Variants in TRAPPC8 observed in about 807,000 individuals in gnomAD.
The protein encoded by TRAPPC8 is general sporulation gene 1 homolog.
In TRAPPC8, 54 loss-of-function variants were observed where a neutral mutation model predicts 174.3. The observed-to-expected ratio is 0.31, with a 90% CI of 0.25 to 0.39. The LOEUF is 0.39. Among genes scored for constraint, TRAPPC8 ranks in the 10% least tolerant of loss-of-function variants. TRAPPC8 has a pLI of 1.00. For synonymous variants in TRAPPC8, 630 were observed against 579.9 expected (o/e 1.09, Z -1.24); for missense variants, 1,531 against 1,699.1 (o/e 0.90, Z 1.74).
intron 27 of TRAPPC8, 188 bp from the exon 28 acceptor site, chr18:31,832,361 T>C: frequency 2.1e-5 from 5 of 237,474 alleles, no homozygotes; most frequent in South Asian, 1.7e-4. Flanking sequence ...AATATATTAA[T>C]ACAATGACAA....
chr18:31,898,042 T>C, intron 10 of TRAPPC8, 151 bp from the exon 11 acceptor site: 6 of 537,552 alleles, frequency 1.1e-5, no homozygotes, highest in South Asian at 4.7e-5. Context: ...AATCCAAGGT[T>C]TGTCAAGTTC....
intron 9 of TRAPPC8, among the ~76,000 whole-genome samples, chr18:31,903,774 C>T (rs560117545): frequency 2.4e-4 from 36 of 152,094 alleles, no homozygotes; most frequent in African/African-American, 8.2e-4. Flanking sequence ...ACCTGTAATC[C>T]CAGCACTTTG....
Position 31,834,401 on chromosome 18 carries a change from G to C in TRAPPC8, c.3984-2228C>G, listed in dbSNP as rs532110559. Reference sequence around the variant, plus strand: ...CTGGGATTACAGGTGTGTGCCACCAGGTCCAGTCTTGGGACCACATTTTGA... The same window carrying C: ...CTGGGATTACAGGTGTGTGCCACCACGTCCAGTCTTGGGACCACATTTTGA... On this transcript the variant is annotated intron_variant, in intron 27 of 28. Coordinates refer to ENST00000283351, the MANE Select transcript of TRAPPC8 (RefSeq NM_014939.5). Among the ~76,000 whole-genome samples the C allele has an allele frequency of 2.0e-5, 3 of 152,152 alleles. No individual in the cohort carries two copies. In the East Asian group the frequency reaches 5.8e-4, roughly 29 times the overall value.
At chr18:31,890,924 A>G in intron 11 of TRAPPC8, 58 bp from the exon 12 acceptor site, 1 of 1,503,724 alleles carries the variant, frequency 6.7e-7, no homozygotes, top group Non-Finnish European at 9.0e-7. Flanking sequence ...GTAAATAGAT[A>G]ACTAGTGAAA....
In TRAPPC8 at chr18:31,907,496, A is replaced by G. The variant is rs1311179429; in HGVS notation, c.1353T>C (p.Leu451=). The part of the protein sequence containing the change: ...SCYHTAKKDF[L]NDQAMLYAAG... ...CTGCATAAAGCATTGCTTGATCATT[A>G]AGAAAATCTTTCTTTGCAGTATGAT... The change falls in exon 9 of 29, where the codon CTT becomes CTC. Residue 451 remains leucine (L), a synonymous_variant. Transcript: ENST00000283351. 1 of 1,602,548 alleles carries G rather than the reference A, an allele frequency of 6.2e-7. No homozygotes were observed. Among genetic ancestry groups the G allele is most frequent in the Non-Finnish European group, 8.5e-7 (1 of 1,173,020 alleles).
chr18:31,917,766 A>G, intron 2 of TRAPPC8, 99 bp from the exon 3 acceptor site: 1 of 1,059,060 alleles, frequency 9.4e-7, no homozygotes, highest in Non-Finnish European at 1.4e-6. Flanking sequence ...TATAAAAAAA[A>G]AATTTCTAAC....
rs1424404910 is a variant in TRAPPC8 at position 31,878,913 on chromosome 18, C to T, written c.1729-4209G>A. Among the ~76,000 whole-genome samples, 6 of 152,132 alleles carry T rather than the reference C, an allele frequency of 3.9e-5. No homozygotes were observed. The South Asian group carries it at 1.0e-3, about 26-fold the overall frequency. On this transcript the variant is annotated intron_variant, in intron 12 of 28. Coordinates refer to ENST00000283351, the MANE Select transcript of TRAPPC8 (RefSeq NM_014939.5). Reference sequence around the variant, plus strand: ...TTATATAATGATAAAGAGTTCAATTCAACAAGAAGATTTAACTAGCCTAAA... The same window carrying T: ...TTATATAATGATAAAGAGTTCAATTTAACAAGAAGATTTAACTAGCCTAAA...
intron 1 of TRAPPC8, among the ~76,000 whole-genome samples, chr18:31,941,334 T>C (rs1455804115): frequency 1.3e-5 from 2 of 152,014 alleles, no homozygotes; most frequent in Non-Finnish European, 2.9e-5. Flanking sequence ...TCTCAGTTAC[T>C]CAGAAGGCTG....
At chr18:31,918,465 C>T (rs2037241447) in intron 2 of TRAPPC8, among the ~76,000 whole-genome samples, 1 of 152,132 alleles carries the variant, frequency 6.6e-6, no homozygotes, top group Non-Finnish European at 1.5e-5. Flanking sequence ...CATCTGGCAA[C>T]GTCTCAAGAT....
At chr18:31,916,039 A>G (rs532000403) in intron 4 of TRAPPC8, among the ~76,000 whole-genome samples, 2 of 149,470 alleles carry the variant, frequency 1.3e-5, no homozygotes, top group South Asian at 4.2e-4. Flanking sequence ...CCTGGGTGAC[A>G]GGGCAAGACC....
chr18:31,917,758 T>TAA, intron 2 of TRAPPC8, 91 bp from the exon 3 acceptor site: 2 of 1,041,662 alleles, frequency 1.9e-6, no homozygotes, highest in Non-Finnish European at 1.4e-6. Context: ...CTAAAAGGTA[T>TAA]AAAAAAAAAA....
intron 2 of TRAPPC8, among the ~76,000 whole-genome samples, chr18:31,918,097 G>A (rs1016275927): frequency 3.3e-5 from 5 of 152,122 alleles, no homozygotes; most frequent in African/African-American, 1.2e-4. Context: ...CTGCACTCCA[G>A]CCTGGGTGAC....
chr18:31,855,787 G>C lies in TRAPPC8; in HGVS notation c.3209C>G (p.Thr1070Ser). 6.3e-7 allele frequency: 1 copy of C among 1,594,834 alleles called. No individual in the cohort carries two copies. Among genetic ancestry groups the C allele is most frequent in the Non-Finnish European group, 8.5e-7 (1 of 1,175,472 alleles). ...AGACCGACTGGTACAAATAATTGCA[G>C]TGTGTCTTAATATTCTGTGCCTGAA... ...PKIRHRILRHTAIICTSRSLN... is the reference protein window; with the variant it reads ...PKIRHRILRHSAIICTSRSLN... The change falls in exon 21 of 29, where the codon ACT becomes AGT. Residue 1070 changes from threonine (T) to serine (S), a missense_variant. Coordinates refer to ENST00000283351, the MANE Select transcript of TRAPPC8 (RefSeq NM_014939.5).
At chr18:31,924,635 G>T (rs113666085) in intron 2 of TRAPPC8, among the ~76,000 whole-genome samples, 4,493 of 148,450 alleles carry the variant, frequency 0.03, 243 homozygotes, top group African/African-American at 0.11. Context: ...TTTTAAATCT[G>T]CCTGAAGCAG....
At chr18:31,930,896 T>G (rs989222700) in intron 2 of TRAPPC8, among the ~76,000 whole-genome samples, 1 of 152,144 alleles carries the variant, frequency 6.6e-6, no homozygotes, top group South Asian at 2.1e-4. Flanking sequence ...AAAATACATA[T>G]GTACATATAT....
chr18:31,884,183 T>C (rs564528036), intron 12 of TRAPPC8, among the ~76,000 whole-genome samples: 40 of 152,240 alleles, frequency 2.6e-4, no homozygotes, highest in Non-Finnish European at 1.3e-4. Context: ...AGTGAAACTC[T>C]GCCAAAAAAA....
Position 31,916,197 on chromosome 18 carries a change from AC to A in TRAPPC8, c.617+74del, listed in dbSNP as rs931172208. ...TTCTTGTATCAAAAATAAATCCAAA[AC>A]GTAAACAAGCTATCTCCAAATTAAT... On this transcript the variant is annotated intron_variant, in intron 4 of 28. Coordinates refer to ENST00000283351, the MANE Select transcript of TRAPPC8 (RefSeq NM_014939.5). 4.6e-5 allele frequency: 52 copies of A among 1,121,764 alleles called. No homozygotes were observed. The African/African-American group carries it at 8.2e-4, about 18-fold the overall frequency. 69.5% of individuals were successfully genotyped at this position (1,121,764 alleles called of 1,614,324 possible).
chr18:31,883,378 A>T (rs2035554704), intron 12 of TRAPPC8: 1 of 152,456 alleles, frequency 6.6e-6, no homozygotes, highest in African/African-American at 2.4e-5. Flanking sequence ...CCAAAAAAGC[A>T]GCAAAAACAC....
intron 1 of TRAPPC8, among the ~76,000 whole-genome samples, chr18:31,936,931 A>T (rs1178065503): frequency 8.0e-6 from 1 of 125,208 alleles, no homozygotes; most frequent in South Asian, 2.7e-4. Context: ...AAAAAAAAGG[A>T]GCCAGGCGCG....
Sources: allele counts gnomAD v4.1 joint callset (sites outside exome capture counted in the v4.1 genomes callset), GRCh38; gene constraint gnomAD v4.1.1; transcripts MANE v1.5; gene names NCBI Gene and HGNC (gene_info 2026-07-23, HGNC 2026-07-21).